SLC9A3: variants seen among roughly 807,000 people sequenced by gnomAD.
SLC9A3 encodes the protein sodium/hydrogen exchanger 3.
SLC9A3 carries 37 observed loss-of-function variants against 86.8 expected under a neutral mutation model. The ratio of observed to expected loss-of-function variants is 0.43; its 90% CI spans 0.33 to 0.56. The LOEUF is 0.56. SLC9A3 is among the 20% of genes least tolerant of loss of function. The pLI is 0.06. For synonymous variants in SLC9A3, 581 were observed against 528.3 expected (o/e 1.10, Z -1.37); for missense variants, 1,011 against 1,171.9 (o/e 0.86, Z 2.00).
rs112672657 is a variant in SLC9A3, at chr5:475,944, G to A, written c.2140+76C>T. Reference sequence around the variant, plus strand: ...AGAGGGGAAGGTCCTGAGAGGGGAGGTTCCCGAGCCGGGAGGGCTGGGGCT... The same window carrying A: ...AGAGGGGAAGGTCCTGAGAGGGGAGATTCCCGAGCCGGGAGGGCTGGGGCT... On this transcript the variant is annotated intron_variant, in intron 14 of 16. Transcript: ENST00000264938. 1.3e-3 allele frequency: 1,683 copies of A among 1,293,972 alleles called. 20 individuals carry two copies. In the African/African-American group the frequency reaches 0.023, roughly 18 times the overall value. 80.2% of individuals were successfully genotyped at this position (1,293,972 alleles called of 1,614,324 possible). A position where few individuals can be genotyped will look rare whatever the true frequency, so the allele number is the denominator to read the frequency against.
intron 1 of SLC9A3, among the ~76,000 whole-genome samples, chr5:492,656 G>T (rs1018050116): frequency 6.8e-4 from 100 of 147,884 alleles, no homozygotes; most frequent in African/African-American, 2.4e-3. Flanking sequence ...GATGGACGGT[G>T]GTCGGGGGGG....
intron 1 of SLC9A3, among the ~76,000 whole-genome samples, chr5:517,781 G>A (rs1034019306): frequency 2.2e-4 from 28 of 125,366 alleles, no homozygotes; most frequent in African/African-American, 6.6e-4. Context: ...CCATCCACTC[G>A]TCCATTCACC....
intron 2 of SLC9A3, among the ~76,000 whole-genome samples, chr5:489,220 G>A (rs1268487014): frequency 1.3e-5 from 2 of 152,292 alleles, no homozygotes; most frequent in Non-Finnish European, 2.9e-5. Flanking sequence ...TCTCACGGCC[G>A]CAGGGCTCAG....
At chr5:488,607 G>A (rs1739579245) in intron 2 of SLC9A3, 131 bp from the exon 3 acceptor site, 1 of 911,572 alleles carries the variant, frequency 1.1e-6, no homozygotes, top group African/African-American at 1.7e-5. Flanking sequence ...GGGGAGCTGG[G>A]TCAGCTTCCT....
chr5:512,814 G>T (rs1433477029), intron 1 of SLC9A3, among the ~76,000 whole-genome samples: 1 of 152,134 alleles, frequency 6.6e-6, no homozygotes, highest in Non-Finnish European at 1.5e-5. Context: ...GCTGAGTCCT[G>T]GCGGAGCCCA....
intron 1 of SLC9A3, among the ~76,000 whole-genome samples, chr5:514,235 C>T (rs969642896): frequency 3.9e-5 from 6 of 152,236 alleles, no homozygotes; most frequent in African/African-American, 1.2e-4. Flanking sequence ...CTCGGGGAGG[C>T]GTGCTCAGGC....
At chr5:513,595 G>A (rs1284000230) in intron 1 of SLC9A3, among the ~76,000 whole-genome samples, 4 of 152,160 alleles carry the variant, frequency 2.6e-5, no homozygotes, top group African/African-American at 7.2e-5. Context: ...TCCTGGCCAC[G>A]GGGTCCCTGA....
At position 497,158 on chromosome 5, in the gene SLC9A3, G is replaced by T. The variant is rs1052495530; in HGVS notation, c.212-5087C>A. The stretch of plus-strand genomic sequence containing the variant: ...AGAGAGACAGTCTTTCCACACAGAT[G>T]TCTGTTCTTGAAATCCCCGAGCCTG... On this transcript the variant is annotated intron_variant, in intron 1 of 16. Coordinates refer to ENST00000264938, the MANE Select transcript of SLC9A3 (RefSeq NM_004174.4). This position sits in a 1 kb window ranked among gnomAD's most constrained non-coding sequence, Gnocchi z 5.4. Among the ~76,000 whole-genome samples the T allele has an allele frequency of 6.6e-6, 1 of 152,186 alleles. No homozygotes were observed. Among genetic ancestry groups the T allele is most frequent in the Non-Finnish European group, 1.5e-5 (1 of 68,032 alleles).
In SLC9A3 at chr5:481,554, C is replaced by T. The variant is rs766664645; in HGVS notation, c.1517+11G>A. ...CTGTGCGACACCGCCGGGGCCGTCC[C>T]AGCCACTTACTTGTCTCTGAGATAA... On this transcript the variant is annotated intron_variant, in intron 9 of 16. Transcript: ENST00000264938. 9.9e-6 allele frequency: 16 copies of T among 1,611,546 alleles called. No individual in the cohort carries two copies. Among genetic ancestry groups the T allele is most frequent in the Non-Finnish European group, 1.3e-5 (15 of 1,177,736 alleles).
chr5:490,965 G>A (rs1433725891), intron 2 of SLC9A3, among the ~76,000 whole-genome samples: 1 of 152,222 alleles, frequency 6.6e-6, no homozygotes, highest in Admixed American at 6.5e-5. Flanking sequence ...CGTCTCCTTG[G>A]TCTCAGGTTT....
intron 1 of SLC9A3, among the ~76,000 whole-genome samples, chr5:504,480 C>G (rs1314247689): frequency 6.6e-6 from 1 of 152,194 alleles, no homozygotes; most frequent in Non-Finnish European, 1.5e-5. Flanking sequence ...AACTCCACAG[C>G]CTCCTCCAGT....
chr5:499,098 T>C lies in SLC9A3; in HGVS notation c.212-7027A>G, dbSNP rs74738502. Among the ~76,000 whole-genome samples, 896 of 152,344 alleles carry C rather than the reference T, an allele frequency of 5.9e-3. 17 individuals carry two copies. The highest frequency in any genetic ancestry group is 0.021 in the African/African-American group (857 of 41,580). On this transcript the variant is annotated intron_variant, in intron 1 of 16. Transcript: ENST00000264938. The stretch of plus-strand genomic sequence containing the variant: ...CTGAAACCAGGGGCTCTGCGGTTGA[T>C]GGAAGTCCTCAGAGGGCGTCCTCAG...
intron 1 of SLC9A3, among the ~76,000 whole-genome samples, chr5:493,149 C>T (rs564109512): frequency 2.2e-4 from 33 of 151,556 alleles, no homozygotes; most frequent in African/African-American, 7.7e-4. Flanking sequence ...AATTCCTGCG[C>T]TCGGCCTGAT....
rs1371576252 is a variant in SLC9A3 at position 475,091 on chromosome 5, G to A, written c.2293C>T (p.Arg765Cys). 4 of 1,609,362 alleles carry A rather than the reference G, an allele frequency of 2.5e-6. No homozygotes were observed. The highest frequency in any genetic ancestry group is 1.3e-5 in the African/African-American group (1 of 74,812). ...GGCGGCAGCCTGGCCAGGAGGCTGC[G>A]GTCCAGGGCCTCGTCCGGAGAAAAC... ...PVFSPDEALD[R>C]SLLARLPPWL... The change falls in exon 16 of 17, where the codon CGC (arginine) becomes TGC (cysteine). Residue 765 changes from arginine to cysteine, a missense_variant. By Grantham distance (180) the Arg-to-Cys change is radical. Transcript: ENST00000264938.
chr5:474,845 G>A lies in SLC9A3; in HGVS notation c.2501+38C>T, dbSNP rs775654429. On this transcript the variant is annotated intron_variant, in intron 16 of 16. Coordinates refer to ENST00000264938, the MANE Select transcript of SLC9A3 (RefSeq NM_004174.4). ...GGAGACCTGGAGGGAGAGGAGCTGC[G>A]GAGAGGGGTTAGGCGGCGGGAGGCC... 3 of 1,547,268 alleles carry A rather than the reference G, an allele frequency of 1.9e-6. No homozygotes were observed. In the East Asian group the frequency reaches 7.0e-5, roughly 36 times the overall value.
chr5:485,333 G>A, intron 3 of SLC9A3, 102 bp from the exon 4 acceptor site: 2 of 899,424 alleles, frequency 2.2e-6, no homozygotes. Context: ...GGAGCCCATG[G>A]CACCCGAGGC....
Position 524,362 on chromosome 5 carries a change from G to A in SLC9A3, c.-40C>T, listed in dbSNP as rs1554001503. The A allele has an allele frequency of 1.9e-5, 18 of 955,296 alleles. No homozygotes were observed. Among genetic ancestry groups the A allele is most frequent in the Non-Finnish European group, 2.4e-5 (18 of 754,968 alleles). The allele number at this position is 955,296 out of a possible 1,614,324, so 59.2% of individuals were successfully genotyped here. A position where few individuals can be genotyped will look rare whatever the true frequency, so the allele number is the denominator to read the frequency against. On this transcript the variant is annotated 5_prime_UTR_variant, in exon 1 of 17. Transcript: ENST00000264938. ...CGCAGGGCTGGGACGCGCATGTCGC[G>A]GGGGGTCCCGGCTGGGCTGGGCCGA...
In SLC9A3 at chr5:497,258, A is replaced by G. The variant is rs1740062410; in HGVS notation, c.212-5187T>C. Among the ~76,000 whole-genome samples the G allele has an allele frequency of 6.6e-6, 1 of 152,092 alleles. No individual in the cohort carries two copies. The highest frequency in any genetic ancestry group is 6.5e-5 in the Admixed American group (1 of 15,282). Reference sequence around the variant, plus strand: ...GCCCCGCAGGTGCCCCTCAAGTCACACCACTGCTCTGCCTCGGGCGACACG... The same window carrying G: ...GCCCCGCAGGTGCCCCTCAAGTCACGCCACTGCTCTGCCTCGGGCGACACG... On this transcript the variant is annotated intron_variant, in intron 1 of 16. Transcript: ENST00000264938. The surrounding 1 kb of genome is among the most constrained non-coding windows in gnomAD (Gnocchi z 5.4).
chr5:484,536 G>C lies in SLC9A3; in HGVS notation c.916C>G (p.Leu306Val). Residue 306 changes from leucine (L) to valine (V), a missense_variant, in exon 5 of 17, where the codon CTG becomes GTG. By Grantham distance (32) the Leu-to-Val change is conservative. Coordinates refer to ENST00000264938, the MANE Select transcript of SLC9A3 (RefSeq NM_004174.4). ...GGGACTCACGCGAGGATGGCCGACA[G>C]CGACAGCATCTCGGACGTCAGGTAG... ...LSYLTSEMLS[L>V]SAILAITFCG... 6.2e-7 allele frequency: 1 copy of C among 1,613,258 alleles called. No individual in the cohort carries two copies. Among genetic ancestry groups the C allele is most frequent in the Non-Finnish European group, 8.5e-7 (1 of 1,179,972 alleles).
Sources: gnomAD v4.1 joint callset for allele counts (sites outside exome capture counted in the v4.1 genomes callset) on GRCh38, gnomAD v4.1.1 for gene constraint, Gnocchi (gnomAD v3.1) non-coding constraint, MANE v1.5 for transcripts, NCBI Gene and HGNC (gene_info 2026-07-23, HGNC 2026-07-21) for gene names.